Variants in ENTPD1 observed in about 807,000 individuals in gnomAD.
The protein encoded by ENTPD1 is ATP diphosphohydrolase.
In ENTPD1, 33 loss-of-function variants were observed where a neutral mutation model predicts 57.0. The observed-to-expected ratio is 0.58, with a 90% CI of 0.44 to 0.77. ENTPD1 has a LOEUF of 0.77. ENTPD1 is among the 30% of genes least tolerant of loss of function. ENTPD1 has a pLI of 0.00. For missense variants in ENTPD1, 501 were observed against 603.4 expected, an observed-to-expected ratio of 0.83 and a Z score of 1.78; for synonymous variants, 202 against 218.8, an observed-to-expected ratio of 0.92 and a Z score of 0.68.
rs2098483129 is a variant in ENTPD1, at chr10:95,873,912, T to C, written c.*7529T>C. Reference sequence around the variant, plus strand: ...AACCCACCAGATCTTGTGGGACTTATTATCACGAGAATAGCACAGAAAAGA... The same window carrying C: ...AACCCACCAGATCTTGTGGGACTTACTATCACGAGAATAGCACAGAAAAGA... On this transcript the variant is annotated 3_prime_UTR_variant, in exon 10 of 10. Transcript: ENST00000371205. 6.6e-6 allele frequency among the ~76,000 whole-genome samples: 1 copy of C among 152,150 alleles called. No homozygotes were observed. The highest frequency in any genetic ancestry group is 2.1e-4 in the South Asian group (1 of 4,826).
In ENTPD1 at chr10:95,864,758, A is replaced by G. The variant is rs1238934019; in HGVS notation, c.1223A>G (p.Tyr408Cys). Residue 408 changes from tyrosine (Y) to cysteine (C), a missense_variant, in exon 9 of 10, where the codon TAC becomes TGC. By Grantham distance (194) the Tyr-to-Cys change is radical. Transcript: ENST00000371205. ...KTSYAGVKEK[Y>C]LSEYCFSGTY... ...TCTTACGCTGGAGTAAAGGAGAAGT[A>G]CCTGAGTGAATACTGCTTTTCTGGT... 3.1e-6 allele frequency: 5 copies of G among 1,614,146 alleles called. No homozygotes were observed. The highest frequency in any genetic ancestry group is 3.3e-5 in the Admixed American group (2 of 60,016).
rs1409805717 is a variant in ENTPD1, at chr10:95,756,190, C to CT, written c.-49dup. On this transcript the variant is annotated 5_prime_UTR_variant, in exon 1 of 10. Transcript: ENST00000371205. ...GGAGACGGACCACAGCAAGCAGAGG[C>CT]TGGGGGGGGGAAAGACGAGGAAAGA... is the stretch of plus-strand genomic sequence containing the variant. 3 of 1,574,992 alleles carry CT rather than the reference C, an allele frequency of 1.9e-6. No individual in the cohort carries two copies. Among genetic ancestry groups the CT allele is most frequent in the Non-Finnish European group, 2.6e-6 (3 of 1,160,498 alleles).
intron 7 of ENTPD1, among the ~76,000 whole-genome samples, chr10:95,859,157 T>C (rs972798599): frequency 6.6e-6 from 1 of 152,196 alleles, no homozygotes; most frequent in Admixed American, 6.5e-5. Flanking sequence ...ATAAGAATAT[T>C]GAAAAATGCA....
At chr10:95,796,814 C>G (rs1318553657) in intron 1 of ENTPD1, among the ~76,000 whole-genome samples, 1 of 152,042 alleles carries the variant, frequency 6.6e-6, no homozygotes, top group Non-Finnish European at 1.5e-5. Context: ...CATGGTGGCT[C>G]ATACTGGTAA....
At chr10:95,779,155 C>T (rs1040656422) in intron 1 of ENTPD1, among the ~76,000 whole-genome samples, 2 of 152,048 alleles carry the variant, frequency 1.3e-5, no homozygotes, top group African/African-American at 4.8e-5. Context: ...TAAAGTCTTT[C>T]TCCTTCCCTT....
the ENTPD1 span, among the ~76,000 whole-genome samples, chr10:95,697,536 T>A: frequency 6.6e-6 from 1 of 152,178 alleles, no homozygotes; most frequent in Non-Finnish European, 1.5e-5. Flanking sequence ...TCTGCCTTCA[T>A]GAATGGACTA....
In ENTPD1 at chr10:95,869,103, G is replaced by C; in HGVS notation, c.*2720G>C. On this transcript the variant is annotated 3_prime_UTR_variant, in exon 10 of 10. Transcript: ENST00000371205. ...TTATCACTGATTACCATTCTCCCCT[G>C]GATTTTCACCCAGGACTCAAAACTT... 2 of 985,084 alleles carry C rather than the reference G, an allele frequency of 2.0e-6. No homozygotes were observed. The highest frequency in any genetic ancestry group is 2.4e-6 in the Non-Finnish European group (2 of 829,888). The allele number at this position is 985,084 out of a possible 1,614,324, so 61.0% of individuals were successfully genotyped here. A position where few individuals can be genotyped will look rare whatever the true frequency, so the allele number is the denominator to read the frequency against.
intron 1 of ENTPD1, among the ~76,000 whole-genome samples, chr10:95,744,026 A>ATATATATATATATT (rs2139883629): frequency 7.8e-6 from 1 of 128,626 alleles, no homozygotes; most frequent in African/African-American, 2.8e-5. Context: ...ATATATATAT[A>ATATATATATATATT]TATATATATG....
chr10:95,748,113 T>C (rs917583248), intron 1 of ENTPD1, among the ~76,000 whole-genome samples: 1 of 152,196 alleles, frequency 6.6e-6, no homozygotes, highest in African/African-American at 2.4e-5. Context: ...GACCTCGTGA[T>C]CCGCCCACCT....
intron 1 of ENTPD1, among the ~76,000 whole-genome samples, chr10:95,807,494 G>A (rs1380597565): frequency 6.6e-6 from 1 of 152,216 alleles, no homozygotes; most frequent in Admixed American, 6.5e-5. Flanking sequence ...CCCTGCTTCA[G>A]CTCACCCTCT....
At chr10:95,825,072 C>T (rs1467738265) in intron 2 of ENTPD1, among the ~76,000 whole-genome samples, 6 of 152,146 alleles carry the variant, frequency 3.9e-5, no homozygotes, top group African/African-American at 1.4e-4. Context: ...GATGTGCTGT[C>T]CAATTTGATA....
chr10:95,740,153 G>A (rs2097998845), intron 1 of ENTPD1, among the ~76,000 whole-genome samples: 2 of 152,072 alleles, frequency 1.3e-5, no homozygotes, highest in Non-Finnish European at 2.9e-5. Context: ...TTTTTGAGAT[G>A]GAGTCTCTGT....
In ENTPD1 at chr10:95,810,829, C is replaced by G. The variant is rs552701255; in HGVS notation, c.17-12408C>G. On this transcript the variant is annotated intron_variant, in intron 1 of 9. Coordinates refer to ENST00000371205, the MANE Select transcript of ENTPD1 (RefSeq NM_001776.6). Reference sequence around the variant, plus strand: ...AAGGTAAAGGAACCTTTCTCTAACTCCACCTACCTTCCTCCTCACTAAATG... The same window carrying G: ...AAGGTAAAGGAACCTTTCTCTAACTGCACCTACCTTCCTCCTCACTAAATG... Among the ~76,000 whole-genome samples, 44 of 152,334 alleles carry G rather than the reference C, an allele frequency of 2.9e-4. 1 individual carries two copies. The highest frequency in any genetic ancestry group is 1.0e-3 in the African/African-American group (43 of 41,572).
upstream of ENTPD1, among the ~76,000 whole-genome samples, chr10:95,751,445 C>T (rs557409341): frequency 3.9e-5 from 6 of 152,184 alleles, no homozygotes; most frequent in South Asian, 2.1e-4. Flanking sequence ...AGGGGTTGGG[C>T]GCAGTGGCTC....
At chr10:95,851,256 A>G (rs2140906474) in intron 7 of ENTPD1, among the ~76,000 whole-genome samples, 1 of 151,880 alleles carries the variant, frequency 6.6e-6, no homozygotes, top group South Asian at 2.1e-4. Context: ...ATTTATTTAT[A>G]TTTATATTTT....
chr10:95,870,766 C>T lies in ENTPD1; in HGVS notation c.*4383C>T, dbSNP rs10736094. The T allele has an allele frequency of 0.66, 650,204 of 985,148 alleles. 215,928 individuals are homozygous for T. The highest frequency in any genetic ancestry group is 0.73 in the Admixed American group (11,810 of 16,286). The allele number at this position is 985,148 out of a possible 1,614,324, so 61.0% of individuals were successfully genotyped here. On this transcript the variant is annotated 3_prime_UTR_variant, in exon 10 of 10. Coordinates refer to ENST00000371205, the MANE Select transcript of ENTPD1 (RefSeq NM_001776.6). ...AATTCCAACTGTTAGAACATGACAGCTGCTCATAACTAGCTTTGCTTACTA... is the reference window on the plus strand; with the variant it reads ...AATTCCAACTGTTAGAACATGACAGTTGCTCATAACTAGCTTTGCTTACTA...
intron 1 of ENTPD1, among the ~76,000 whole-genome samples, chr10:95,737,070 G>T (rs1377633304): frequency 6.6e-6 from 1 of 152,182 alleles, no homozygotes; most frequent in Admixed American, 6.5e-5. Context: ...GGAGCTAGAA[G>T]TATGAAGAAG....
chr10:95,868,783 C>T lies in ENTPD1; in HGVS notation c.*2400C>T, dbSNP rs1309503993. On this transcript the variant is annotated 3_prime_UTR_variant, in exon 10 of 10. Coordinates refer to ENST00000371205, the MANE Select transcript of ENTPD1 (RefSeq NM_001776.6). ...AGTTGGAATTAGACTTCACAAGTCTCCTTCAGAGAACACAAATCTTTTCTT... is the reference window on the plus strand; with the variant it reads ...AGTTGGAATTAGACTTCACAAGTCTTCTTCAGAGAACACAAATCTTTTCTT... The T allele has an allele frequency of 4.1e-6, 4 of 985,246 alleles. No individual in the cohort carries two copies. Among genetic ancestry groups the T allele is most frequent in the East Asian group, 1.1e-4 (1 of 8,832 alleles). 61.0% of individuals were successfully genotyped at this position (985,246 alleles called of 1,614,324 possible).
At chr10:95,790,976 A>G (rs2098201471) in intron 1 of ENTPD1, among the ~76,000 whole-genome samples, 1 of 152,238 alleles carries the variant, frequency 6.6e-6, no homozygotes, top group Admixed American at 6.5e-5. Context: ...AGATTTGCTA[A>G]CAATACGTAG....
Sources: gnomAD v4.1 joint callset for allele counts (sites outside exome capture counted in the v4.1 genomes callset) on GRCh38, gnomAD v4.1.1 for gene constraint, MANE v1.5 for transcripts, NCBI Gene and HGNC (gene_info 2026-07-23, HGNC 2026-07-21) for gene names.